The following COX7A2 variants were observed in gnomAD, a reference collection of about 807,000 sequenced individuals.
COX7A2 encodes the protein cytochrome c oxidase subunit 7A2, mitochondrial.
COX7A2 carries 11 observed loss-of-function variants against 11.6 expected under a neutral mutation model. The observed-to-expected ratio is 0.95, with a 90% CI of 0.60 to 1.57. The LOEUF is 1.57. Ranked by LOEUF, COX7A2 falls within the 40% of genes most tolerant of loss-of-function variation. The pLI is 0.00. For missense variants in COX7A2, 106 were observed against 100.9 expected (o/e 1.05, Z -0.22); for synonymous variants, 30 against 38.2 (o/e 0.78, Z 0.79).
upstream of COX7A2, among the ~76,000 whole-genome samples, chr6:75,245,022 T>C (rs1418592892): frequency 6.6e-6 from 1 of 152,196 alleles, no homozygotes; most frequent in East Asian, 1.9e-4. Context: ...AATTTGTTAG[T>C]TGTATGTGCT....
At chr6:75,244,680 ATTAT>A (rs1231631221), upstream of COX7A2, among the ~76,000 whole-genome samples, 1 of 152,202 alleles carries the variant, frequency 6.6e-6, no homozygotes, top group African/African-American at 2.4e-5. Context: ...ACTCTTACAA[ATTAT>A]TTGATTGCCA....
chr6:75,247,468 T>C (rs1771704380), upstream of COX7A2, among the ~76,000 whole-genome samples: 1 of 152,230 alleles, frequency 6.6e-6, no homozygotes, highest in Non-Finnish European at 1.5e-5. Flanking sequence ...AACATTTCAA[T>C]ATAATTCCAT....
At chr6:75,241,137 A>G in intron 2 of COX7A2, 39 bp downstream of exon 2, 1 of 1,567,850 alleles carries the variant, frequency 6.4e-7, no homozygotes. Context: ...TGGTAATCTA[A>G]TAATTACAAG....
At chr6:75,244,854 T>A (rs77892081), upstream of COX7A2, among the ~76,000 whole-genome samples, 7,132 of 152,290 alleles carry the variant, frequency 0.047, 276 homozygotes, top group Non-Finnish European at 0.074. Flanking sequence ...CACCAAGGTT[T>A]ATAAACACCC....
upstream of COX7A2, chr6:75,244,018 G>T: frequency 1.9e-6 from 1 of 533,396 alleles, no homozygotes; most frequent in Non-Finnish European, 3.4e-6. Context: ...TGGGGAAAAA[G>T]CAAACGATTT....
chr6:75,249,770 G>A (rs377593630), intron 1 of COX7A2, among the ~76,000 whole-genome samples: 13 of 152,262 alleles, frequency 8.5e-5, no homozygotes, highest in African/African-American at 3.1e-4. Flanking sequence ...CAACTTGAAG[G>A]GCTACTTAGA....
At chr6:75,246,939 TTCC>T (rs543662346), upstream of COX7A2, among the ~76,000 whole-genome samples, 10 of 152,326 alleles carry the variant, frequency 6.6e-5, no homozygotes, top group South Asian at 2.1e-3. Context: ...GTAGAATGCT[TTCC>T]AAAACATCAG....
Position 75,237,845 on chromosome 6 carries a change from A to G in COX7A2, c.*85T>C. On this transcript the variant is annotated 3_prime_UTR_variant, in exon 4 of 4. Coordinates refer to ENST00000684430, the MANE Select transcript of COX7A2 (RefSeq NM_001366293.2). ...TACAAGTCAATAAATATTGATCCCC[A>G]AAGAAGAGCTCGGTTATTTATCAGA... 1 of 1,029,634 alleles carries G rather than the reference A, an allele frequency of 9.7e-7. No homozygotes were observed. The highest frequency in any genetic ancestry group is 1.5e-6 in the Non-Finnish European group (1 of 675,886). 63.8% of individuals were successfully genotyped at this position (1,029,634 alleles called of 1,614,324 possible). A position where few individuals can be genotyped will look rare whatever the true frequency, so the allele number is the denominator to read the frequency against.
chr6:75,248,081 CTTTTT>C (rs905344722), upstream of COX7A2, among the ~76,000 whole-genome samples: 137 of 10,670 alleles, frequency 0.013, 28 homozygotes, highest in African/African-American at 0.04. Context: ...CATCCTTTAT[CTTTTT>C]TTTTTTTTTT....
At chr6:75,243,920 A>C, upstream of COX7A2, 1 of 1,187,096 alleles carries the variant, frequency 8.4e-7, no homozygotes, top group Admixed American at 2.0e-5. Flanking sequence ...GTACGGCTCT[A>C]TCCGCTCTAG....
At chr6:75,240,219 C>T (rs918403353) in intron 3 of COX7A2, 82 bp downstream of exon 3, 7 of 1,013,762 alleles carry the variant, frequency 6.9e-6, no homozygotes, top group Non-Finnish European at 9.1e-6. Flanking sequence ...CATTAAAATA[C>T]TGGCATAGCA....
chr6:75,241,239 C>T lies in COX7A2; in HGVS notation c.45G>A (p.Thr15=), dbSNP rs139079443. 1.1e-5 allele frequency: 17 copies of T among 1,576,192 alleles called. No individual in the cohort carries two copies. The highest frequency in any genetic ancestry group is 1.5e-5 in the Non-Finnish European group (17 of 1,152,920). Residue 15 remains threonine (T), a synonymous_variant, in exon 2 of 4, where the codon ACG becomes ACA. Transcript: ENST00000684430. ...AATGCCTGCGGGAAGCAGTGCTTAT[C>T]GTCCTCTGCCCAATCTGACGAAGAG... is the stretch of plus-strand genomic sequence containing the variant. ...LLALRQIGQR[T]ISTASRRHFK...
upstream of COX7A2, chr6:75,243,995 C>A (rs117825852): frequency 0.017 from 10,316 of 590,792 alleles, 114 homozygotes; most frequent in African/African-American, 0.03. Flanking sequence ...AGGCTGGTCC[C>A]TGGAGCTAAG....
chr6:75,238,776 A>G (rs1771398439), intron 3 of COX7A2, among the ~76,000 whole-genome samples: 1 of 151,366 alleles, frequency 6.6e-6, no homozygotes, highest in African/African-American at 2.4e-5. Flanking sequence ...AGAATGTCTA[A>G]GAAATGTCAC....
upstream of COX7A2, chr6:75,243,865 C>G (rs757700502): frequency 6.3e-6 from 10 of 1,591,266 alleles, no homozygotes; most frequent in African/African-American, 1.1e-4. Context: ...CGAAGAGAGG[C>G]TTGCGCTCCT....
rs1041453505 is a variant in COX7A2, at chr6:75,241,086, C to G, written c.108+90G>C. ...TGTAATGTTTATATTGTCATATGAT[C>G]TAATTTATACACATACTTGTTTATC... On this transcript the variant is annotated intron_variant, in intron 2 of 3. Transcript: ENST00000684430. 3 of 1,449,834 alleles carry G rather than the reference C, an allele frequency of 2.1e-6. No homozygotes were observed. In the South Asian group the frequency reaches 4.3e-5, roughly 21 times the overall value. The allele number at this position is 1,449,834 out of a possible 1,614,324, so 89.8% of individuals were successfully genotyped here.
Position 75,240,332 on chromosome 6 carries a change from C to G in COX7A2, c.162G>C (p.Leu54=). 4.4e-6 allele frequency: 7 copies of G among 1,609,044 alleles called. No individual in the cohort carries two copies. The highest frequency in any genetic ancestry group is 5.1e-6 in the Non-Finnish European group (6 of 1,178,848). Residue 54 remains leucine, a synonymous_variant, in exon 3 of 4, where the codon CTG becomes CTC. Coordinates refer to ENST00000684430, the MANE Select transcript of COX7A2 (RefSeq NM_001366293.2). ...YLKGGVADAL[L]YRATMILTVG... ...CTGTAAGAATCATGGTGGCTCTATA[C>G]AGGAGGGCATCAGCTACCCCACCCT...
chr6:75,238,704 C>CAAA (rs35057968), intron 3 of COX7A2, among the ~76,000 whole-genome samples: 15 of 55,758 alleles, frequency 2.7e-4, no homozygotes, highest in African/African-American at 6.8e-4. Context: ...AACTCCATCT[C>CAAA]AAAAAAAAAA....
At chr6:75,245,159 A>G (rs1466306067), upstream of COX7A2, among the ~76,000 whole-genome samples, 1 of 152,176 alleles carries the variant, frequency 6.6e-6, no homozygotes, top group East Asian at 1.9e-4. Flanking sequence ...AATTAATTAC[A>G]TTGGGTGACA....
Sources: allele counts gnomAD v4.1 joint callset (sites outside exome capture counted in the v4.1 genomes callset), GRCh38; gene constraint gnomAD v4.1.1; transcripts MANE v1.5; gene names NCBI Gene and HGNC (gene_info 2026-07-23, HGNC 2026-07-21).